The following NEDD4 variants were observed in gnomAD, a reference collection of about 807,000 sequenced individuals.
NEDD4 encodes the protein E3 ubiquitin-protein ligase NEDD4.
A neutral mutation model predicts 144.9 loss-of-function variants in NEDD4; 99 were observed. The observed-to-expected ratio is 0.68, with a 90% CI of 0.58 to 0.81. The LOEUF (loss-of-function observed/expected upper bound fraction) is 0.81, where lower values mean the gene tolerates loss of function less well. NEDD4 is among the 30% of genes least tolerant of loss of function. The pLI is 0.00. For synonymous variants in NEDD4, 318 were observed against 350.6 expected (o/e 0.91, Z 1.04); for missense variants, 985 against 1,065.9 (o/e 0.92, Z 1.06).
chr15:55,951,659 A>G (rs1443657168), intron 2 of NEDD4, 70 bp from the exon 3 acceptor site: 1 of 1,143,656 alleles, frequency 8.7e-7, no homozygotes, highest in African/African-American at 1.6e-5. Flanking sequence ...GATTACCCAG[A>G]CTATAAAATT....
intron 11 of NEDD4, among the ~76,000 whole-genome samples, chr15:55,857,535 C>T (rs1339694368): frequency 6.6e-6 from 1 of 152,076 alleles, no homozygotes; most frequent in African/African-American, 2.4e-5. Context: ...GTTGGCCAGG[C>T]TGGTCTCGAA....
At chr15:55,950,496 A>G (rs2037218305) in intron 4 of NEDD4, among the ~76,000 whole-genome samples, 1 of 152,364 alleles carries the variant, frequency 6.6e-6, no homozygotes, top group Admixed American at 6.5e-5. Flanking sequence ...AGAAGCCTCC[A>G]GAGAGGCTGG....
intron 4 of NEDD4, among the ~76,000 whole-genome samples, chr15:55,938,173 A>C (rs1206719847): frequency 3.9e-5 from 6 of 152,126 alleles, no homozygotes; most frequent in African/African-American, 9.7e-5. Context: ...ATCCTGGCCA[A>C]CGTAGTGAAA....
At chr15:55,953,161 T>C (rs2037275593) in intron 2 of NEDD4, among the ~76,000 whole-genome samples, 2 of 151,862 alleles carry the variant, frequency 1.3e-5, no homozygotes, top group South Asian at 4.2e-4. Context: ...GGCTAATTTT[T>C]GTATTTTTAG....
At chr15:55,921,540 G>T (rs946131901) in intron 5 of NEDD4, among the ~76,000 whole-genome samples, 7 of 152,032 alleles carry the variant, frequency 4.6e-5, no homozygotes, top group African/African-American at 1.7e-4. Flanking sequence ...GGCCAGGCTG[G>T]TGTCGAACTC....
chr15:55,925,612 C>T (rs1454363008), intron 4 of NEDD4, among the ~76,000 whole-genome samples: 2 of 152,070 alleles, frequency 1.3e-5, no homozygotes, highest in Non-Finnish European at 1.5e-5. Flanking sequence ...AAATAAAAAT[C>T]GCCTACTATA....
rs200788423 is a variant in NEDD4 at position 55,967,440 on chromosome 15, CTGTGTGTGTGTG to C, written c.46-906_46-895del. Among the ~76,000 whole-genome samples, 10 of 142,360 alleles carry C rather than the reference CTGTGTGTGTGTG, an allele frequency of 7.0e-5. No individual in the cohort carries two copies. The South Asian group carries it at 1.4e-3, about 20-fold the overall frequency. The allele number at this position is 142,360 out of a possible 152,430, so 93.4% of individuals were successfully genotyped here. ...AAATAAAAAACTGAACATAACTATGCTGTGTGTGTGTGTGTGTGTGTGTGTGTGTGTGTGTAT... is the reference window on the plus strand; with the variant it reads ...AAATAAAAAACTGAACATAACTATGCTGTGTGTGTGTGTGTGTGTGTGTAT... On this transcript the variant is annotated intron_variant, in intron 1 of 28. Transcript: ENST00000435532.
chr15:55,855,316 G>A (rs1352574343), intron 12 of NEDD4, among the ~76,000 whole-genome samples: 1 of 152,148 alleles, frequency 6.6e-6, no homozygotes, highest in Non-Finnish European at 1.5e-5. Context: ...AAGAAAATGA[G>A]AAAGCCATTC....
rs570525013 is a variant in NEDD4, at chr15:55,910,583, C to T, written c.291+14063G>A. 1.2e-4 allele frequency among the ~76,000 whole-genome samples: 18 copies of T among 152,226 alleles called. No individual in the cohort carries two copies. In the East Asian group the frequency reaches 2.3e-3, roughly 20 times the overall value. ...CCATCTCACTGTATACCTTCCCTAA[C>T]GTGTTCATCCTTATCTGAGGCTTTG... On this transcript the variant is annotated intron_variant, in intron 5 of 28. Transcript: ENST00000435532.
intron 5 of NEDD4, among the ~76,000 whole-genome samples, chr15:55,921,432 C>T (rs1282560140): frequency 6.6e-6 from 1 of 151,828 alleles, no homozygotes; most frequent in African/African-American, 2.4e-5. Context: ...TCAAGCAATT[C>T]TCATGCCTCA....
At position 55,872,489 on chromosome 15, in the gene NEDD4, A is replaced by G. The variant is rs572908664; in HGVS notation, c.343-13T>C. The stretch of plus-strand genomic sequence containing the variant: ...TTGGATTTTCTGTCTAGAATAAAAT[A>G]GTGGGTTTTCAAAATATATCTATAA... On this transcript the variant is annotated splice_polypyrimidine_tract_variant and intron_variant, in intron 6 of 28. Coordinates refer to ENST00000435532, the MANE Select transcript of NEDD4 (RefSeq NM_006154.4). 1.5e-6 allele frequency: 2 copies of G among 1,353,498 alleles called. No homozygotes were observed. Among genetic ancestry groups the G allele is most frequent in the Non-Finnish European group, 9.9e-7 (1 of 1,005,228 alleles). 83.8% of individuals were successfully genotyped at this position (1,353,498 alleles called of 1,614,324 possible).
In NEDD4 at chr15:55,955,612, G is replaced by A. The variant is rs1267960982; in HGVS notation, c.120-4023C>T. Among the ~76,000 whole-genome samples, 11 of 152,008 alleles carry A rather than the reference G, an allele frequency of 7.2e-5. No homozygotes were observed. In the South Asian group the frequency reaches 2.3e-3, roughly 32 times the overall value. On this transcript the variant is annotated intron_variant, in intron 2 of 28. Coordinates refer to ENST00000435532, the MANE Select transcript of NEDD4 (RefSeq NM_006154.4). ...ATTTCAGTTAGTGTAATATCCTAAT[G>A]ATTAATCCATATTGTCACATGAATT...
At chr15:55,892,156 C>T (rs2035588671) in intron 5 of NEDD4, among the ~76,000 whole-genome samples, 1 of 151,820 alleles carries the variant, frequency 6.6e-6, no homozygotes, top group Non-Finnish European at 1.5e-5. Context: ...ATCCCAGCTA[C>T]TCGTGAGGCA....
chr15:55,833,909 A>T, intron 26 of NEDD4, 129 bp downstream of exon 26: 3 of 682,938 alleles, frequency 4.4e-6, no homozygotes, highest in South Asian at 3.8e-5. Context: ...ATCAAAGATA[A>T]TTTTTTCTGG....
At chr15:55,939,123 C>CAAACAAAA (rs1467501788) in intron 4 of NEDD4, among the ~76,000 whole-genome samples, 148 of 151,206 alleles carry the variant, frequency 9.8e-4, no homozygotes, top group Non-Finnish European at 2.0e-3. Flanking sequence ...ACAACAACAA[C>CAAACAAAA]AAACAAAAAA....
intron 18 of NEDD4, among the ~76,000 whole-genome samples, chr15:55,845,026 G>A (rs954949526): frequency 6.6e-6 from 1 of 152,038 alleles, no homozygotes; most frequent in Non-Finnish European, 1.5e-5. Context: ...CATTCTAAGT[G>A]TTCTGCTCTT....
rs934597746 is a variant in NEDD4, at chr15:55,977,869, T to G, written c.46-11323A>C. Among the ~76,000 whole-genome samples the G allele has an allele frequency of 4.6e-5, 7 of 152,186 alleles. 1 individual carries two copies. Among genetic ancestry groups the G allele is most frequent in the African/African-American group, 1.7e-4 (7 of 41,450 alleles). On this transcript the variant is annotated intron_variant, in intron 1 of 28. Transcript: ENST00000435532. The stretch of plus-strand genomic sequence containing the variant: ...CCAGTTTACTGGAAAGTAGCCATAC[T>G]ACGTTACACAGGTAGGAATCTCCAA...
chr15:55,835,422 T>G (rs1201489113), intron 24 of NEDD4, among the ~76,000 whole-genome samples: 3 of 128,788 alleles, frequency 2.3e-5, no homozygotes, highest in Non-Finnish European at 3.4e-5. Context: ...CCTGTTCTGT[T>G]TTTTTTTTTT....
At chr15:55,911,675 G>A (rs112878344) in intron 5 of NEDD4, among the ~76,000 whole-genome samples, 43 of 151,866 alleles carry the variant, frequency 2.8e-4, no homozygotes, top group Admixed American at 8.5e-4. Context: ...GACTACAGGC[G>A]CGCGCCACCA....
Sources: gnomAD v4.1 joint callset for allele counts (sites outside exome capture counted in the v4.1 genomes callset) on GRCh38, gnomAD v4.1.1 for gene constraint, MANE v1.5 for transcripts, NCBI Gene and HGNC (gene_info 2026-07-23, HGNC 2026-07-21) for gene names.